Variants in RAPGEF2 observed in about 807,000 individuals in gnomAD.
RAPGEF2 encodes the protein PDZ domain containing guanine nucleotide exchange factor (GEF) 1.
Under a neutral mutation model 186.7 loss-of-function variants are expected in RAPGEF2, and 54 were observed. The ratio of observed to expected loss-of-function variants is 0.29; its 90% CI spans 0.23 to 0.36. RAPGEF2 has a LOEUF of 0.36. Ranked by LOEUF, RAPGEF2 falls within the 10% of genes least tolerant of loss-of-function variation. RAPGEF2 has a pLI of 1.00. For synonymous variants in RAPGEF2, 712 were observed against 705.9 expected (o/e 1.01, Z -0.14); for missense variants, 1,532 against 2,045.0 (o/e 0.75, Z 4.84).
At position 159,323,515 on chromosome 4, in the gene RAPGEF2, A is replaced by G. The variant is rs995781490; in HGVS notation, c.1047A>G (p.Gly349=). The G allele has an allele frequency of 8.1e-6, 13 of 1,613,188 alleles. No homozygotes were observed. The highest frequency in any genetic ancestry group is 1.0e-5 in the Non-Finnish European group (12 of 1,179,520). The change falls in exon 11 of 30, where the codon GGA becomes GGG. Residue 349 remains glycine, a synonymous_variant. Transcript: ENST00000691494. Reference sequence around the variant, plus strand: ...CTGTGGAAGTGACTTATCCAGATGGAAAAGCAGAAATACTGTGCATGGGAA... The same window carrying G: ...CTGTGGAAGTGACTTATCCAGATGGGAAAGCAGAAATACTGTGCATGGGAA... ...NGSVEVTYPD[G]KAEILCMGNS...
chr4:159,109,631 ATTG>A (rs1052656081), intron 1 of RAPGEF2, among the ~76,000 whole-genome samples: 4 of 152,204 alleles, frequency 2.6e-5, no homozygotes, highest in African/African-American at 9.7e-5. Flanking sequence ...TCACTAATCT[ATTG>A]TTATAAGTAG....
At chr4:159,175,592 G>A (rs1286545983) in intron 1 of RAPGEF2, among the ~76,000 whole-genome samples, 1 of 152,110 alleles carries the variant, frequency 6.6e-6, no homozygotes, top group African/African-American at 2.4e-5. Flanking sequence ...AAAGAGAAAG[G>A]AATCATCATA....
At chr4:159,123,701 G>A (rs1489240524) in intron 1 of RAPGEF2, among the ~76,000 whole-genome samples, 4 of 151,660 alleles carry the variant, frequency 2.6e-5, no homozygotes, top group Non-Finnish European at 5.9e-5. Flanking sequence ...TGTGTTTTTA[G>A]TAGAGACAGG....
intron 4 of RAPGEF2, among the ~76,000 whole-genome samples, chr4:159,235,564 G>T (rs368620910): frequency 6.6e-6 from 1 of 152,248 alleles, no homozygotes; most frequent in East Asian, 1.9e-4. Context: ...CAATCCTGAA[G>T]ATTTTGCACC....
intron 1 of RAPGEF2, among the ~76,000 whole-genome samples, chr4:159,141,337 T>G (rs1473616230): frequency 6.6e-6 from 1 of 152,174 alleles, no homozygotes; most frequent in Non-Finnish European, 1.5e-5. Flanking sequence ...TTTAAATATT[T>G]CCACGAGATG....
intron 8 of RAPGEF2, 101 bp downstream of exon 8, chr4:159,304,574 A>T: frequency 1.5e-5 from 17 of 1,109,620 alleles, no homozygotes; most frequent in East Asian, 2.5e-5. Flanking sequence ...ATATGTGTAT[A>T]TTACATGTGC....
At chr4:159,168,551 T>A (rs1274222774) in intron 1 of RAPGEF2, among the ~76,000 whole-genome samples, 1 of 151,978 alleles carries the variant, frequency 6.6e-6, no homozygotes, top group Admixed American at 6.6e-5. Flanking sequence ...TTGGGTTTCA[T>A]CCCCAAGAGC....
At chr4:159,129,515 C>G (rs1468472051) in intron 1 of RAPGEF2, among the ~76,000 whole-genome samples, 1 of 152,150 alleles carries the variant, frequency 6.6e-6, no homozygotes, top group Admixed American at 6.5e-5. Flanking sequence ...ATGGTTTATT[C>G]AGTTCTAACA....
rs146980777 is a variant in RAPGEF2, at chr4:159,154,519, T to TTA, written c.70-32123_70-32122insTA. On this transcript the variant is annotated intron_variant, in intron 1 of 29. Coordinates refer to ENST00000691494, the MANE Select transcript of RAPGEF2 (RefSeq NM_001394067.2). ...ACTCACATCACCTTTTTTTTTTTTT[T>TTA]AAAAAAAACAACCACCAAAAAACAA... 2.2e-3 allele frequency among the ~76,000 whole-genome samples: 327 copies of TTA among 148,434 alleles called. 7 individuals are homozygous for TTA. In the East Asian group the frequency reaches 0.043, roughly 20 times the overall value.
At chr4:159,146,654 CT>C (rs1270381401) in intron 1 of RAPGEF2, among the ~76,000 whole-genome samples, 1 of 152,200 alleles carries the variant, frequency 6.6e-6, no homozygotes, top group African/African-American at 2.4e-5. Context: ...GGTGACCTAA[CT>C]TGTTCAAGGA....
chr4:159,246,968 G>A (rs950589468), intron 7 of RAPGEF2, among the ~76,000 whole-genome samples: 2 of 152,008 alleles, frequency 1.3e-5, no homozygotes, highest in Admixed American at 6.6e-5. Context: ...ATCTGTTTAT[G>A]TATATATATG....
chr4:159,337,118 G>T (rs1767538165), intron 17 of RAPGEF2, among the ~76,000 whole-genome samples: 1 of 152,196 alleles, frequency 6.6e-6, no homozygotes, highest in African/African-American at 2.4e-5. Flanking sequence ...GTTTGTCACT[G>T]TCGATAATAA....
chr4:159,323,392 A>T (rs1765496161), intron 10 of RAPGEF2, 67 bp from the exon 11 acceptor site: 2 of 1,327,888 alleles, frequency 1.5e-6, no homozygotes, highest in Non-Finnish European at 2.0e-6. Flanking sequence ...TTTAGGGACC[A>T]TACTGGCACT....
intron 9 of RAPGEF2, among the ~76,000 whole-genome samples, chr4:159,320,384 C>A (rs1217444300): frequency 6.6e-6 from 1 of 152,148 alleles, no homozygotes; most frequent in Non-Finnish European, 1.5e-5. Context: ...CACAGACACT[C>A]CTACTCATTC....
chr4:159,271,754 T>C (rs1332335151), intron 7 of RAPGEF2, among the ~76,000 whole-genome samples: 1 of 152,166 alleles, frequency 6.6e-6, no homozygotes, highest in African/African-American at 2.4e-5. Context: ...AAAAAGTGCT[T>C]TTTTCCTGCA....
At chr4:159,133,382 T>C (rs1228422809) in intron 1 of RAPGEF2, among the ~76,000 whole-genome samples, 1 of 152,112 alleles carries the variant, frequency 6.6e-6, no homozygotes, top group Non-Finnish European at 1.5e-5. Context: ...GTAATATATA[T>C]GGTAAGATTA....
At chr4:159,157,961 G>A (rs544481044) in intron 1 of RAPGEF2, among the ~76,000 whole-genome samples, 1 of 152,276 alleles carries the variant, frequency 6.6e-6, no homozygotes, top group African/African-American at 2.4e-5. Context: ...GAGACAGGCA[G>A]CAGCCAGGTG....
rs892163749 is a variant in RAPGEF2, at chr4:159,267,757, G to A, written c.543+23966G>A. On this transcript the variant is annotated intron_variant, in intron 7 of 29. Transcript: ENST00000691494. ...ATTCTGTGTTAAGCCTTTTTGAGGG[G>A]AGTCTGTGTGCAGTCAGCCATTTTA... 3 of 1,007,516 alleles carry A rather than the reference G, an allele frequency of 3.0e-6. No individual in the cohort carries two copies. The African/African-American group carries it at 5.2e-5, about 18-fold the overall frequency. The allele number at this position is 1,007,516 out of a possible 1,614,324, so 62.4% of individuals were successfully genotyped here.
chr4:159,262,978 G>C (rs1482469444), intron 7 of RAPGEF2, among the ~76,000 whole-genome samples: 1 of 152,066 alleles, frequency 6.6e-6, no homozygotes, highest in Non-Finnish European at 1.5e-5. Flanking sequence ...TAGATGTTTA[G>C]TTAGCATTTC....
Sources: allele counts gnomAD v4.1 joint callset (sites outside exome capture counted in the v4.1 genomes callset), GRCh38; gene constraint gnomAD v4.1.1; transcripts MANE v1.5; gene names NCBI Gene and HGNC (gene_info 2026-07-23, HGNC 2026-07-21).